The following DENND1B variants were observed in gnomAD, a reference collection of about 807,000 sequenced individuals.
The protein encoded by DENND1B is DENN domain-containing protein 1B.
In DENND1B, 59 loss-of-function variants were observed where a neutral mutation model predicts 90.1. That is an observed-to-expected ratio of 0.65 (90% CI 0.53 to 0.81). The LOEUF (loss-of-function observed/expected upper bound fraction) is 0.81. Ranked by LOEUF, DENND1B falls within the 40% of genes least tolerant of loss-of-function variation. DENND1B has a pLI of 0.00. For synonymous variants in DENND1B, 337 were observed against 324.6 expected (o/e 1.04, Z -0.41); for missense variants, 862 against 912.6 (o/e 0.94, Z 0.71).
At chr1:197,736,011 T>G in intron 2 of DENND1B, 1 of 995,186 alleles carries the variant, frequency 1.0e-6, no homozygotes, top group South Asian at 1.4e-5. Context: ...CTAAAAACAC[T>G]GCAATGGCTG....
chr1:197,592,757 T>C (rs998907892), intron 14 of DENND1B, among the ~76,000 whole-genome samples: 3 of 152,192 alleles, frequency 2.0e-5, no homozygotes, highest in African/African-American at 7.2e-5. Flanking sequence ...GGTGAAGAGA[T>C]GGCACCTGAG....
intron 3 of DENND1B, chr1:197,688,806 T>C (rs558226678): frequency 3.0e-4 from 52 of 176,084 alleles, no homozygotes; most frequent in South Asian, 7.0e-4. Context: ...ACTGGACATG[T>C]AGATTCATTC....
At chr1:197,629,963 T>C (rs187687130) in intron 10 of DENND1B, among the ~76,000 whole-genome samples, 96 of 152,130 alleles carry the variant, frequency 6.3e-4, no homozygotes, top group African/African-American at 2.2e-3. Flanking sequence ...ATGTTCCCCA[T>C]CACATGTCAT....
intron 13 of DENND1B, among the ~76,000 whole-genome samples, chr1:197,596,698 T>C (rs775757922): frequency 1.3e-5 from 2 of 151,718 alleles, no homozygotes; most frequent in Non-Finnish European, 2.9e-5. Flanking sequence ...TGCACACATA[T>C]ATCTATGCAA....
At chr1:197,631,808 T>C (rs1352252011) in intron 10 of DENND1B, among the ~76,000 whole-genome samples, 1 of 152,106 alleles carries the variant, frequency 6.6e-6, no homozygotes, top group Non-Finnish European at 1.5e-5. Context: ...ATGCATATCA[T>C]ATATATGTGA....
chr1:197,552,475 AGAAGGATTAATT>A, intron 16 of DENND1B: 1 of 985,462 alleles, frequency 1.0e-6, no homozygotes, highest in Non-Finnish European at 1.2e-6. Context: ...CATTTACACT[AGAAGGATTAATT>A]GTACTTATGG....
chr1:197,768,579 G>A (rs998018013), intron 2 of DENND1B, among the ~76,000 whole-genome samples: 3 of 151,556 alleles, frequency 2.0e-5, no homozygotes, highest in Middle Eastern at 3.5e-3. Flanking sequence ...CAATTATCTT[G>A]GAGATCTACC....
intron 20 of DENND1B, among the ~76,000 whole-genome samples, chr1:197,525,251 A>T (rs912603128): frequency 3.3e-5 from 5 of 151,994 alleles, no homozygotes; most frequent in African/African-American, 1.2e-4. Flanking sequence ...TTGTTTCATT[A>T]TTTTTTTCTG....
Position 197,583,142 on chromosome 1 carries a change from C to T in DENND1B, c.1149+10G>A, listed in dbSNP as rs376783820. The stretch of plus-strand genomic sequence containing the variant: ...TCTTACAAAAGAAAAATGTGGAGGT[C>T]CACTCTTACCTGCTTAAAAAGCTGG... On this transcript the variant is annotated intron_variant, in intron 15 of 22. Transcript: ENST00000620048. 47 of 1,611,048 alleles carry T rather than the reference C, an allele frequency of 2.9e-5. No individual in the cohort carries two copies. The highest frequency in any genetic ancestry group is 3.8e-5 in the Non-Finnish European group (45 of 1,177,592).
At chr1:197,693,683 T>C (rs1405213440) in intron 3 of DENND1B, among the ~76,000 whole-genome samples, 2 of 151,664 alleles carry the variant, frequency 1.3e-5, no homozygotes, top group Non-Finnish European at 1.5e-5. Flanking sequence ...TTTCAAATTA[T>C]CATTTTCACA....
Position 197,511,733 on chromosome 1 carries a change from G to A in DENND1B, c.1810C>T (p.Pro604Ser), listed in dbSNP as rs751951954. Residue 604 changes from proline to serine, a missense_variant, in exon 22 of 23, where the codon CCT becomes TCT. Transcript: ENST00000620048. Reference protein sequence around the residue: ...FRSMDDIDYKPTNKSNAPSEN... With the variant: ...FRSMDDIDYKSTNKSNAPSEN... ...GTAAAAAAAAATCTACTAACCGTAG[G>A]TTTGTAATCAATGTCATCCATTGAT... 1.9e-6 allele frequency: 3 copies of A among 1,598,838 alleles called. No homozygotes were observed. The East Asian group carries it at 6.7e-5, about 36-fold the overall frequency.
chr1:197,697,743 A>G (rs1458313021), intron 3 of DENND1B, among the ~76,000 whole-genome samples: 4 of 152,050 alleles, frequency 2.6e-5, no homozygotes, highest in Non-Finnish European at 5.9e-5. Context: ...AGCAAATGGA[A>G]AGAAAAAAAA....
chr1:197,780,824 C>T, the DENND1B span, among the ~76,000 whole-genome samples: 1 of 152,202 alleles, frequency 6.6e-6, no homozygotes, highest in Admixed American at 6.5e-5. Context: ...TTTTAATCCA[C>T]CTAATAAGGT....
intron 15 of DENND1B, among the ~76,000 whole-genome samples, chr1:197,567,813 A>G (rs1405252867): frequency 6.6e-6 from 1 of 152,150 alleles, no homozygotes; most frequent in East Asian, 1.9e-4. Context: ...TTATCTCACC[A>G]CAATAAAAGG....
intron 16 of DENND1B, among the ~76,000 whole-genome samples, chr1:197,548,087 T>A (rs889346941): frequency 1.3e-5 from 2 of 152,212 alleles, no homozygotes; most frequent in Non-Finnish European, 2.9e-5. Context: ...AGAAAACAAT[T>A]CTTTTAAACC....
intron 7 of DENND1B, among the ~76,000 whole-genome samples, chr1:197,647,947 CAAA>C (rs5779884): frequency 1.5e-4 from 12 of 78,634 alleles, no homozygotes; most frequent in Admixed American, 2.6e-4. Context: ...AACTCCACTT[CAAA>C]AAAAAAAAAA....
chr1:197,714,317 A>G (rs1253120225), intron 3 of DENND1B, among the ~76,000 whole-genome samples: 1 of 152,094 alleles, frequency 6.6e-6, no homozygotes, highest in African/African-American at 2.4e-5. Flanking sequence ...AAATCCTTAA[A>G]TCTGTATTAT....
In DENND1B at chr1:197,510,825, C is replaced by T. The variant is rs1217492988; in HGVS notation, c.1963G>A (p.Gly655Ser). The T allele has an allele frequency of 2.0e-5, 33 of 1,612,238 alleles. No homozygotes were observed. The East Asian group carries it at 7.1e-4, about 35-fold the overall frequency. The change falls in exon 23 of 23, where the codon GGT (glycine) becomes AGT (serine). Residue 655 changes from glycine to serine, a missense_variant. Gly to Ser is a moderately conservative substitution (Grantham distance 56, BLOSUM62 0). Transcript: ENST00000620048. ...PSPRKRVSSS[G>S]LTDSLFILKE... ...AGGATAAACAGAGAATCTGTCAAAC[C>T]ACTAGAGGAAACCCGCTTCCTAGGA...
intron 3 of DENND1B, among the ~76,000 whole-genome samples, chr1:197,698,351 T>C (rs1406185120): frequency 6.6e-6 from 1 of 152,090 alleles, no homozygotes. Context: ...AATCAAGAAG[T>C]TCTTTGAAAC....
Sources: gnomAD v4.1 joint callset for allele counts (sites outside exome capture counted in the v4.1 genomes callset) on GRCh38, gnomAD v4.1.1 for gene constraint, MANE v1.5 for transcripts, NCBI Gene and HGNC (gene_info 2026-07-23, HGNC 2026-07-21) for gene names.